DNAJC10: variants seen among roughly 807,000 people sequenced by gnomAD.
DNAJC10 encodes DnaJ heat shock protein family (Hsp40) member C10.
In DNAJC10, 101 loss-of-function variants were observed where a neutral mutation model predicts 115.0. The ratio of observed to expected loss-of-function variants is 0.88; its 90% CI spans 0.75 to 1.04. The LOEUF is 1.04. Ranked by LOEUF, DNAJC10 falls within the 50% of genes least tolerant of loss-of-function variation. The pLI, the probability that DNAJC10 is intolerant of heterozygous loss-of-function variation, is 0.00. For missense variants in DNAJC10, 981 were observed against 928.8 expected, an observed-to-expected ratio of 1.06 and a Z score of -0.73; for synonymous variants, 307 against 301.5, an observed-to-expected ratio of 1.02 and a Z score of -0.19.
rs752887993 is a variant in DNAJC10, at chr2:182,718,297, A to C, written c.204+7A>C. 18 of 1,572,758 alleles carry C rather than the reference A, an allele frequency of 1.1e-5. No homozygotes were observed. Among genetic ancestry groups the C allele is most frequent in the Middle Eastern group, 3.7e-4 (2 of 5,438 alleles). ...ACATCCTGATAAAAACCCGGTAGGT[A>C]AACGTTTGTTTTTAAAAATATTTGA... On this transcript the variant is annotated splice_region_variant and intron_variant, in intron 3 of 23. Transcript: ENST00000264065.
intron 22 of DNAJC10, among the ~76,000 whole-genome samples, chr2:182,774,633 C>CA (rs1433795950): frequency 1.3e-5 from 2 of 152,236 alleles, no homozygotes; most frequent in East Asian, 3.8e-4. Flanking sequence ...AGCAAGGCTC[C>CA]ATGGGTGTGG....
intron 5 of DNAJC10, among the ~76,000 whole-genome samples, chr2:182,727,433 A>T (rs976033121): frequency 1.3e-5 from 2 of 152,172 alleles, no homozygotes; most frequent in African/African-American, 4.8e-5. Flanking sequence ...AATTCTGTTA[A>T]TATTTTTACC....
At position 182,782,946 on chromosome 2, in the gene DNAJC10, C is replaced by T. The variant is rs1348657071; in HGVS notation, c.*5814C>T. 6.6e-6 allele frequency: 1 copy of T among 151,900 alleles called. No individual in the cohort carries two copies. Among genetic ancestry groups the T allele is most frequent in the Non-Finnish European group, 1.5e-5 (1 of 67,918 alleles). 9.4% of individuals were successfully genotyped at this position (151,900 alleles called of 1,614,324 possible). A position where few individuals can be genotyped will look rare whatever the true frequency, so the allele number is the denominator to read the frequency against. On this transcript the variant is annotated 3_prime_UTR_variant, in exon 24 of 24. Coordinates refer to ENST00000264065, the MANE Select transcript of DNAJC10 (RefSeq NM_018981.4). ...ATTGTCCTGGCCAGAACTTCCAGTA[C>T]ATAGGAGTGGTGAGAGAGGGCATCC...
rs1241995834 is a variant in DNAJC10 at position 182,741,259 on chromosome 2, A to T, written c.1094A>T (p.His365Leu). 2 of 1,603,958 alleles carry T rather than the reference A, an allele frequency of 1.2e-6. No homozygotes were observed. Among genetic ancestry groups the T allele is most frequent in the African/African-American group, 1.3e-5 (1 of 74,130 alleles). Residue 365 changes from histidine (H) to leucine (L), a missense_variant, in exon 13 of 24, where the codon CAT (histidine) becomes CTT (leucine). His to Leu is a moderately conservative substitution (Grantham distance 99). Coordinates refer to ENST00000264065, the MANE Select transcript of DNAJC10 (RefSeq NM_018981.4). The stretch of plus-strand genomic sequence containing the variant: ...ACTTTTAAGGATCGTTTGGCTCATC[A>T]TCGGTGGCTGTTATTTTTTCATTTT... ...ANTLEDRLAH[H>L]RWLLFFHFGK...
At chr2:182,772,817 T>C (rs1465798727) in intron 22 of DNAJC10, among the ~76,000 whole-genome samples, 1 of 152,232 alleles carries the variant, frequency 6.6e-6, no homozygotes, top group African/African-American at 2.4e-5. Flanking sequence ...TGTCTTTTAA[T>C]TGGGGCATTT....
Position 182,786,567 on chromosome 2 carries a change from G to A in DNAJC10, c.*9435G>A, listed in dbSNP as rs1694950506. 1 of 152,164 alleles carries A rather than the reference G, an allele frequency of 6.6e-6. No homozygotes were observed. Among genetic ancestry groups the A allele is most frequent in the African/African-American group, 2.4e-5 (1 of 41,450 alleles). 9.4% of individuals were successfully genotyped at this position (152,164 alleles called of 1,614,324 possible). ...ACAGGGTACACCATCTTCCTAAGGT[G>A]TGACCTCCTGTTCCCAAAGGAATAG... On this transcript the variant is annotated 3_prime_UTR_variant, in exon 24 of 24. Coordinates refer to ENST00000264065, the MANE Select transcript of DNAJC10 (RefSeq NM_018981.4).
rs1283479357 is a variant in DNAJC10, at chr2:182,783,486, A to T, written c.*6354A>T. ...TGCCAACTGAAAGTAATAAAATGAA[A>T]CAATTTGTTGGCTTTAATGTATTTA... On this transcript the variant is annotated 3_prime_UTR_variant, in exon 24 of 24. Transcript: ENST00000264065. The T allele has an allele frequency of 6.6e-6, 1 of 152,190 alleles. No homozygotes were observed. Among genetic ancestry groups the T allele is most frequent in the Non-Finnish European group, 1.5e-5 (1 of 68,024 alleles). The allele number at this position is 152,190 out of a possible 1,614,324, so 9.4% of individuals were successfully genotyped here.
rs1324108675 is a variant in DNAJC10 at position 182,778,100 on chromosome 2, T to C, written c.*968T>C. On this transcript the variant is annotated 3_prime_UTR_variant, in exon 24 of 24. Coordinates refer to ENST00000264065, the MANE Select transcript of DNAJC10 (RefSeq NM_018981.4). ...GCATCTAATATTTACATATTTGCCT[T>C]CTGAACTTTGTTTTGACCTGTATCC... The C allele has an allele frequency of 6.6e-6, 1 of 152,212 alleles. No homozygotes were observed. Among genetic ancestry groups the C allele is most frequent in the Non-Finnish European group, 1.5e-5 (1 of 68,028 alleles). 9.4% of individuals were successfully genotyped at this position (152,212 alleles called of 1,614,324 possible).
At chr2:182,744,246 A>T (rs1198288975) in intron 14 of DNAJC10, among the ~76,000 whole-genome samples, 2 of 152,194 alleles carry the variant, frequency 1.3e-5, no homozygotes, top group Non-Finnish European at 2.9e-5. Flanking sequence ...GGTCAAATAT[A>T]GCAAAAGAAA....
chr2:182,732,680 C>T, intron 10 of DNAJC10, 138 bp downstream of exon 10: 1 of 769,952 alleles, frequency 1.3e-6, no homozygotes, highest in Non-Finnish European at 2.1e-6. Flanking sequence ...TGACTGTATT[C>T]ATAGCTATGT....
rs1236395807 is a variant in DNAJC10 at position 182,777,413 on chromosome 2, T to A, written c.*281T>A. ...TCATGTATTCTTTGTTATTTGCTTT[T>A]AACAACCTTTAAAAAATATTAAAAC... On this transcript the variant is annotated 3_prime_UTR_variant, in exon 24 of 24. Transcript: ENST00000264065. The A allele has an allele frequency of 1.2e-4, 27 of 232,594 alleles. No homozygotes were observed. In the East Asian group the frequency reaches 2.2e-3, roughly 19 times the overall value. 14.4% of individuals were successfully genotyped at this position (232,594 alleles called of 1,614,324 possible).
chr2:182,748,963 G>C (rs1574940092), intron 14 of DNAJC10, among the ~76,000 whole-genome samples: 1 of 151,636 alleles, frequency 6.6e-6, no homozygotes, highest in East Asian at 1.9e-4. Context: ...TAGTTGAGCG[G>C]TTTTGAGTGA....
Position 182,743,579 on chromosome 2 carries a change from T to G in DNAJC10, c.1192-19T>G, listed in dbSNP as rs1693790579. 35 of 1,542,546 alleles carry G rather than the reference T, an allele frequency of 2.3e-5. No individual in the cohort carries two copies. Among genetic ancestry groups the G allele is most frequent in the Non-Finnish European group, 3.0e-5 (34 of 1,116,566 alleles). On this transcript the variant is annotated intron_variant, in intron 13 of 23. Coordinates refer to ENST00000264065, the MANE Select transcript of DNAJC10 (RefSeq NM_018981.4). ...GGTAAGACAGTGTTTTTATCAAATT[T>G]GACCTTTTTCTCCTTTAGGTTGGCA...
intron 14 of DNAJC10, among the ~76,000 whole-genome samples, chr2:182,749,832 T>A (rs1693970250): frequency 6.6e-6 from 1 of 152,200 alleles, no homozygotes; most frequent in Non-Finnish European, 1.5e-5. Context: ...TGAGAAAAAT[T>A]TAGCTGGGTA....
At chr2:182,766,169 A>G (rs191988868) in intron 22 of DNAJC10, among the ~76,000 whole-genome samples, 134 of 152,306 alleles carry the variant, frequency 8.8e-4, no homozygotes, top group African/African-American at 1.1e-3. Context: ...GCAAGTGTCA[A>G]ATGAAACTGT....
At chr2:182,752,214 C>A in intron 16 of DNAJC10, 26 bp downstream of exon 16, 3 of 1,227,636 alleles carry the variant, frequency 2.4e-6, no homozygotes, top group Non-Finnish European at 3.4e-6. Flanking sequence ...AAAAATTATT[C>A]TAATTAATTT....
At chr2:182,718,410 A>G in intron 3 of DNAJC10, 120 bp downstream of exon 3, 1 of 827,454 alleles carries the variant, frequency 1.2e-6, no homozygotes, top group South Asian at 2.2e-5. Flanking sequence ...ATTATAATTC[A>G]ACTTGTATGC....
chr2:182,718,802 C>T (rs1693065982), intron 3 of DNAJC10, among the ~76,000 whole-genome samples: 3 of 152,238 alleles, frequency 2.0e-5, no homozygotes, highest in Middle Eastern at 6.8e-3. Flanking sequence ...TAATGCCAGT[C>T]ATAAATATTT....
chr2:182,743,722 GA>G lies in DNAJC10; in HGVS notation c.1306+17del, dbSNP rs1475193922. On this transcript the variant is annotated intron_variant, in intron 14 of 23. Coordinates refer to ENST00000264065, the MANE Select transcript of DNAJC10 (RefSeq NM_018981.4). ...TATGAAATTCATCATGGTAAGAATG[GA>G]AAAAAATGATAAAAAAAAACTTAGC... 8.5e-6 allele frequency: 13 copies of G among 1,530,468 alleles called. No individual in the cohort carries two copies. Among genetic ancestry groups the G allele is most frequent in the East Asian group, 2.3e-5 (1 of 44,326 alleles). 94.8% of individuals were successfully genotyped at this position (1,530,468 alleles called of 1,614,324 possible). A position where few individuals can be genotyped will look rare whatever the true frequency, so the allele number is the denominator to read the frequency against.
Sources: gnomAD v4.1 joint callset for allele counts (sites outside exome capture counted in the v4.1 genomes callset) on GRCh38, gnomAD v4.1.1 for gene constraint, MANE v1.5 for transcripts, NCBI Gene and HGNC (gene_info 2026-07-23, HGNC 2026-07-21) for gene names.